LRCH4: variants seen among roughly 807,000 people sequenced by gnomAD.
The protein encoded by LRCH4 is leucine rich repeats and calponin homology domain containing 4.
A neutral mutation model predicts 81.2 loss-of-function variants in LRCH4; 56 were observed. The ratio of observed to expected loss-of-function variants is 0.69; its 90% CI spans 0.56 to 0.86. The LOEUF (loss-of-function observed/expected upper bound fraction) is 0.86. Among genes scored for constraint, LRCH4 ranks in the 40% least tolerant of loss-of-function variants. The pLI, the probability that LRCH4 is intolerant of heterozygous loss-of-function variation, is 0.00. For missense variants in LRCH4, 895 were observed against 922.8 expected (o/e 0.97, Z 0.39); for synonymous variants, 442 against 409.7 (o/e 1.08, Z -0.95).
intron 15 of LRCH4, 33 bp downstream of exon 15, chr7:100,576,205 G>A: frequency 6.2e-7 from 1 of 1,605,088 alleles, no homozygotes; most frequent in Non-Finnish European, 8.5e-7. Flanking sequence ...CCCGGCCCAG[G>A]CCCCTGCCCA....
intron 1 of LRCH4, chr7:100,585,212 C>G (rs759974780): frequency 2.2e-4 from 40 of 179,020 alleles, no homozygotes; most frequent in Non-Finnish European, 3.3e-4. Context: ...TCACAGGCTC[C>G]ACAGTGACCT....
At chr7:100,581,746 C>CA (rs768799900) in intron 4 of LRCH4, 31 bp downstream of exon 4, 91 of 1,602,606 alleles carry the variant, frequency 5.7e-5, no homozygotes, top group Non-Finnish European at 7.7e-5. Flanking sequence ...CACATACAAA[C>CA]ACCTCCTCTC....
At chr7:100,581,663 A>G (rs1476814799) in intron 4 of LRCH4, 114 bp downstream of exon 4, 4 of 840,922 alleles carry the variant, frequency 4.8e-6, no homozygotes, top group Non-Finnish European at 7.7e-6. Flanking sequence ...AACTGTGAAA[A>G]ATGAATGCCT....
chr7:100,574,237 C>A lies in LRCH4; in HGVS notation c.*870G>T, dbSNP rs1222798457. 2 of 183,546 alleles carry A rather than the reference C, an allele frequency of 1.1e-5. No individual in the cohort carries two copies. The highest frequency in any genetic ancestry group is 2.4e-5 in the Non-Finnish European group (2 of 83,224). The allele number at this position is 183,546 out of a possible 1,614,324, so 11.4% of individuals were successfully genotyped here. On this transcript the variant is annotated 3_prime_UTR_variant, in exon 18 of 18. Coordinates refer to ENST00000310300, the MANE Select transcript of LRCH4 (RefSeq NM_002319.5). Reference sequence around the variant, plus strand: ...GGTCCCGGGCGGGGTGGGCCCTGTGCCCCCACCTTCACCCCTAAGGCCGGT... The same window carrying A: ...GGTCCCGGGCGGGGTGGGCCCTGTGACCCCACCTTCACCCCTAAGGCCGGT...
intron 3 of LRCH4, 46 bp from the exon 4 acceptor site, chr7:100,581,928 G>A (rs747112970): frequency 6.2e-7 from 1 of 1,611,018 alleles, no homozygotes; most frequent in Non-Finnish European, 8.5e-7. Flanking sequence ...ACCAGGCCCA[G>A]CAGAACCCAC....
chr7:100,576,280 G>A lies in LRCH4; in HGVS notation c.1596C>T (p.Pro532=), dbSNP rs773837155. The change falls in exon 15 of 18, where the codon CCC becomes CCT. Residue 532 remains proline, a synonymous_variant. Coordinates refer to ENST00000310300, the MANE Select transcript of LRCH4 (RefSeq NM_002319.5). ...TTAAGTCCTTCTCATCTGGAACCTGGGGGTACCGCCGAGGTCTCAGGACAG... is the reference window on the plus strand; with the variant it reads ...TTAAGTCCTTCTCATCTGGAACCTGAGGGTACCGCCGAGGTCTCAGGACAG... ...PDSVLRPRRY[P]QVPDEKDLMT... 1 of 1,614,150 alleles carries A rather than the reference G, an allele frequency of 6.2e-7. No individual in the cohort carries two copies. The highest frequency in any genetic ancestry group is 1.1e-5 in the South Asian group (1 of 91,080).
chr7:100,583,910 G>T lies in LRCH4; in HGVS notation c.221-1451C>A. On this transcript the variant is annotated intron_variant, in intron 1 of 17. Transcript: ENST00000310300. This position sits in a 1 kb window ranked among gnomAD's most constrained non-coding sequence, Gnocchi z 4.3. ...GTGGCGGGGACAAAAGCTAGGAGCG[G>T]AAGGGAGCTCAGGCAGGAGGCAGGG... 3.3e-6 allele frequency: 1 copy of T among 303,386 alleles called. No homozygotes were observed. The highest frequency in any genetic ancestry group is 6.7e-6 in the Non-Finnish European group (1 of 149,522). The allele number at this position is 303,386 out of a possible 1,614,324, so 18.8% of individuals were successfully genotyped here.
chr7:100,578,269 C>T lies in LRCH4; in HGVS notation c.849-11G>A, dbSNP rs1182636087. 6.2e-7 allele frequency: 1 copy of T among 1,612,632 alleles called. No homozygotes were observed. The highest frequency in any genetic ancestry group is 1.1e-5 in the South Asian group (1 of 91,034). On this transcript the variant is annotated splice_polypyrimidine_tract_variant and intron_variant, in intron 6 of 17. Transcript: ENST00000310300. The surrounding 1 kb of genome is among the most constrained non-coding windows in gnomAD (Gnocchi z 5.7). ...AGATCCTCTGCAGGGCTGGGGCCAG[C>T]CAGGCGGATCTGGTCAGCCTGATGC...
chr7:100,584,146 G>A (rs747681980), intron 1 of LRCH4: 12 of 456,310 alleles, frequency 2.6e-5, no homozygotes, highest in South Asian at 1.7e-4. Flanking sequence ...AGTCCGGGCA[G>A]CAAGGCACTG....
chr7:100,578,648 A>C lies in LRCH4; in HGVS notation c.735+2T>G. On this transcript the variant is annotated splice_donor_variant, in intron 5 of 17. Coordinates refer to ENST00000310300, the MANE Select transcript of LRCH4 (RefSeq NM_002319.5). LOFTEE classifies it high-confidence loss of function. The surrounding 1 kb of genome is among the most constrained non-coding windows in gnomAD (Gnocchi z 5.7). ...TCGTGGCCCCCCAGGCACCCGCCTC[A>C]CCTGGGCAGGTGGACTCTGCAGAGG... 6.2e-7 allele frequency: 1 copy of C among 1,613,416 alleles called. No individual in the cohort carries two copies. Among genetic ancestry groups the C allele is most frequent in the Non-Finnish European group, 8.5e-7 (1 of 1,179,554 alleles).
chr7:100,582,641 C>T lies in LRCH4; in HGVS notation c.221-182G>A, dbSNP rs973244126. ...CAACGGGAGCACATTCCAGGCGTGA[C>T]CAGAATGGCACAGGGAAGGCAAAGG... On this transcript the variant is annotated intron_variant, in intron 1 of 17. Transcript: ENST00000310300. This position sits in a 1 kb window ranked among gnomAD's most constrained non-coding sequence, Gnocchi z 5.0. 1.1e-4 allele frequency among the ~76,000 whole-genome samples: 16 copies of T among 152,206 alleles called. No individual in the cohort carries two copies. Among genetic ancestry groups the T allele is most frequent in the African/African-American group, 3.9e-4 (16 of 41,452 alleles).
chr7:100,583,936 C>T lies in LRCH4; in HGVS notation c.221-1477G>A. 3.1e-6 allele frequency: 1 copy of T among 324,084 alleles called. No individual in the cohort carries two copies. Among genetic ancestry groups the T allele is most frequent in the South Asian group, 2.3e-5 (1 of 42,700 alleles). 20.1% of individuals were successfully genotyped at this position (324,084 alleles called of 1,614,324 possible). On this transcript the variant is annotated intron_variant, in intron 1 of 17. Coordinates refer to ENST00000310300, the MANE Select transcript of LRCH4 (RefSeq NM_002319.5). The surrounding 1 kb of genome is among the most constrained non-coding windows in gnomAD (Gnocchi z 4.3). ...AAGGGAGCTCAGGCAGGAGGCAGGG[C>T]ACTGGGGGCACAGGATGTGGTCTGG... is the stretch of plus-strand genomic sequence containing the variant.
intron 4 of LRCH4, chr7:100,579,120 T>C (rs1170629358): frequency 8.7e-6 from 3 of 344,472 alleles, no homozygotes; most frequent in Non-Finnish European, 1.6e-5. Context: ...CCCTCCATTT[T>C]CAAATGATCA....
At chr7:100,576,105 C>T (rs1388723336) in intron 15 of LRCH4, 97 bp from the exon 16 acceptor site, 2 of 1,471,430 alleles carry the variant, frequency 1.4e-6, no homozygotes. Context: ...GAACTTGTGC[C>T]TGTCCCTTCC....
Position 100,575,979 on chromosome 7 carries a change from C to T in LRCH4, c.1668G>A (p.Leu556=), listed in dbSNP as rs1337694051. ...CCAGAGCCTCGGCCAGGTCCTCAGG[C>T]AGGGGCCGCTGCAGCCGGGACTCAA... The part of the protein sequence containing the change: ...QVLESRLQRP[L]PEDLAEALAS... The change falls in exon 16 of 18, where the codon CTG becomes CTA. Residue 556 remains leucine (L), a synonymous_variant. Coordinates refer to ENST00000310300, the MANE Select transcript of LRCH4 (RefSeq NM_002319.5). This position sits in a 1 kb window ranked among gnomAD's most constrained non-coding sequence, Gnocchi z 5.3. The T allele has an allele frequency of 5.6e-6, 9 of 1,607,778 alleles. No homozygotes were observed. The highest frequency in any genetic ancestry group is 7.6e-6 in the Non-Finnish European group (9 of 1,178,994).
chr7:100,575,002 G>T lies in LRCH4; in HGVS notation c.*105C>A. The T allele has an allele frequency of 9.2e-7, 1 of 1,085,996 alleles. No homozygotes were observed. The highest frequency in any genetic ancestry group is 2.6e-5 in the East Asian group (1 of 38,730). The allele number at this position is 1,085,996 out of a possible 1,614,324, so 67.3% of individuals were successfully genotyped here. A position where few individuals can be genotyped will look rare whatever the true frequency, so the allele number is the denominator to read the frequency against. ...CAGTGTCTGTGAAGGGGGTGCACTA[G>T]TGTCTTTGGTTGGGGCTGAAGGCAC... On this transcript the variant is annotated 3_prime_UTR_variant, in exon 18 of 18. Transcript: ENST00000310300. The surrounding 1 kb of genome is among the most constrained non-coding windows in gnomAD (Gnocchi z 5.3).
chr7:100,577,237 T>G lies in LRCH4; in HGVS notation c.1295+36A>C. The G allele has an allele frequency of 1.9e-6, 3 of 1,606,192 alleles. No homozygotes were observed. The African/African-American group carries it at 4.0e-5, about 21-fold the overall frequency. ...CGGTGGCCCCATTTCCAGGGCTCAG[T>G]GTCCAGCAACAGCCCCGGGCGGCCC... On this transcript the variant is annotated intron_variant, in intron 11 of 17. Coordinates refer to ENST00000310300, the MANE Select transcript of LRCH4 (RefSeq NM_002319.5). The surrounding 1 kb of genome is among the most constrained non-coding windows in gnomAD (Gnocchi z 6.7).
In LRCH4 at chr7:100,574,609, G is replaced by C. The variant is rs1160327973; in HGVS notation, c.*498C>G. Reference sequence around the variant, plus strand: ...GAGCCATGGCCACAGCCACCAACACGCGGAGCAGACGCGCGCGCGCGCGCA... The same window carrying C: ...GAGCCATGGCCACAGCCACCAACACCCGGAGCAGACGCGCGCGCGCGCGCA... On this transcript the variant is annotated 3_prime_UTR_variant, in exon 18 of 18. Transcript: ENST00000310300. The C allele has an allele frequency of 7.1e-6, 1 of 141,088 alleles. No individual in the cohort carries two copies. Among genetic ancestry groups the C allele is most frequent in the African/African-American group, 2.8e-5 (1 of 35,450 alleles). The allele number at this position is 141,088 out of a possible 1,614,324, so 8.7% of individuals were successfully genotyped here. A position where few individuals can be genotyped will look rare whatever the true frequency, so the allele number is the denominator to read the frequency against.
rs749293597 is a variant in LRCH4, at chr7:100,578,548, G to A, written c.736-37C>T. On this transcript the variant is annotated intron_variant, in intron 5 of 17. Transcript: ENST00000310300. This position sits in a 1 kb window ranked among gnomAD's most constrained non-coding sequence, Gnocchi z 5.7. ...GCAGCACACGCCAGGGAGTTGGCAG[G>A]GAGGGCAGCTCCCCGGATCCTGCTC... The A allele has an allele frequency of 3.7e-6, 6 of 1,602,688 alleles. No individual in the cohort carries two copies. The East Asian group carries it at 1.3e-4, about 36-fold the overall frequency.
Sources: gnomAD v4.1 joint callset for allele counts (sites outside exome capture counted in the v4.1 genomes callset) on GRCh38, gnomAD v4.1.1 for gene constraint, Gnocchi (gnomAD v3.1) non-coding constraint, MANE v1.5 for transcripts, NCBI Gene and HGNC (gene_info 2026-07-23, HGNC 2026-07-21) for gene names.